The following XRCC4 variants were observed in gnomAD, a reference collection of about 807,000 sequenced individuals.
The protein encoded by XRCC4 is DNA repair protein XRCC4.
XRCC4 carries 28 observed loss-of-function variants against 39.1 expected under a neutral mutation model. The ratio of observed to expected loss-of-function variants is 0.72; its 90% CI spans 0.53 to 0.98. The LOEUF (loss-of-function observed/expected upper bound fraction) is 0.98. Among genes scored for constraint, XRCC4 ranks in the 50% least tolerant of loss-of-function variants. The probability of loss-of-function intolerance (pLI) is 0.00; values close to 1 mark genes in which losing one functional copy is unlikely to be tolerated. For missense variants in XRCC4, 350 were observed against 376.4 expected, an observed-to-expected ratio of 0.93 and a Z score of 0.58; for synonymous variants, 123 against 126.4, an observed-to-expected ratio of 0.97 and a Z score of 0.18.
chr5:83,143,998 A>C (rs1748310121), intron 3 of XRCC4, among the ~76,000 whole-genome samples: 1 of 151,928 alleles, frequency 6.6e-6, no homozygotes, highest in African/African-American at 2.4e-5. Context: ...TTAATGTACC[A>C]GTTCCCTAAT....
At chr5:83,134,530 C>G (rs7732880) in intron 3 of XRCC4, among the ~76,000 whole-genome samples, 3 of 151,934 alleles carry the variant, frequency 2.0e-5, no homozygotes, top group African/African-American at 7.3e-5. Flanking sequence ...AATCAGCTCT[C>G]TGTAAAACGT....
At chr5:83,125,016 C>T (rs569472041) in intron 3 of XRCC4, among the ~76,000 whole-genome samples, 61 of 152,200 alleles carry the variant, frequency 4.0e-4, no homozygotes, top group African/African-American at 1.4e-3. Flanking sequence ...AGAATTTTTG[C>T]CTTTAGCCAT....
intron 7 of XRCC4, among the ~76,000 whole-genome samples, chr5:83,333,307 T>G (rs966913035): frequency 5.3e-5 from 8 of 152,198 alleles, no homozygotes; most frequent in African/African-American, 1.9e-4. Context: ...AATTAAAATG[T>G]CAATACCATA....
intron 6 of XRCC4, among the ~76,000 whole-genome samples, chr5:83,215,594 T>C: frequency 6.6e-6 from 1 of 152,184 alleles, no homozygotes; most frequent in African/African-American, 2.4e-5. Flanking sequence ...ATTATTATTA[T>C]AAAGATAGTC....
chr5:83,137,429 A>G (rs558159670), intron 3 of XRCC4, among the ~76,000 whole-genome samples: 2 of 152,288 alleles, frequency 1.3e-5, no homozygotes, highest in African/African-American at 4.8e-5. Context: ...CTATAGAAAT[A>G]TTGTTCAAAT....
At chr5:83,094,562 T>C (rs13169201) in intron 1 of XRCC4, among the ~76,000 whole-genome samples, 2,273 of 152,012 alleles carry the variant, frequency 0.015, 53 homozygotes, top group African/African-American at 0.051. Context: ...TTAGTCGTTG[T>C]ATTCTTCATC....
At chr5:83,196,977 A>T (rs190594019) in intron 4 of XRCC4, among the ~76,000 whole-genome samples, 138 of 151,884 alleles carry the variant, frequency 9.1e-4, no homozygotes, top group Admixed American at 2.4e-3. Context: ...TGTACATTCA[A>T]TTATATTTAT....
At chr5:83,144,267 C>CTGTGTGTGTGTGTG (rs56769195) in intron 3 of XRCC4, among the ~76,000 whole-genome samples, 1,652 of 140,100 alleles carry the variant, frequency 0.012, 19 homozygotes, top group Admixed American at 0.018. Context: ...TAATATTCCT[C>CTGTGTGTGTGTGTG]TGTGTGTGTG....
At chr5:83,352,388 C>T (rs997731624) in intron 7 of XRCC4, among the ~76,000 whole-genome samples, 1 of 152,186 alleles carries the variant, frequency 6.6e-6, no homozygotes, top group Non-Finnish European at 1.5e-5. Context: ...GATATTAACA[C>T]ACACTCCACA....
the XRCC4 span, among the ~76,000 whole-genome samples, chr5:83,366,284 T>G: frequency 6.6e-6 from 1 of 152,150 alleles, no homozygotes; most frequent in Non-Finnish European, 1.5e-5. Context: ...CCAAATAAAT[T>G]CAGTTCATTG....
chr5:83,307,109 C>A (rs1755518300), intron 7 of XRCC4, among the ~76,000 whole-genome samples: 1 of 152,214 alleles, frequency 6.6e-6, no homozygotes, highest in South Asian at 2.1e-4. Context: ...TACAAGACTT[C>A]TTTCTAAAGT....
chr5:83,271,709 C>T (rs1754149864), intron 7 of XRCC4, among the ~76,000 whole-genome samples: 1 of 152,104 alleles, frequency 6.6e-6, no homozygotes, highest in South Asian at 2.1e-4. Flanking sequence ...TCTCTCTATT[C>T]CCCTCTCCTA....
downstream of XRCC4, among the ~76,000 whole-genome samples, chr5:83,357,800 G>C (rs185159409): frequency 6.6e-5 from 10 of 152,208 alleles, no homozygotes; most frequent in African/African-American, 2.4e-4. Flanking sequence ...CCAAACAAGA[G>C]GTCTCTTGAT....
At chr5:83,218,662 C>T (rs942157088) in intron 6 of XRCC4, among the ~76,000 whole-genome samples, 3 of 152,042 alleles carry the variant, frequency 2.0e-5, no homozygotes, top group African/African-American at 7.2e-5. Flanking sequence ...AAAACATTCT[C>T]AGATCTCAGA....
chr5:83,080,612 A>G (rs916477595), intron 1 of XRCC4, among the ~76,000 whole-genome samples: 1 of 152,080 alleles, frequency 6.6e-6, no homozygotes, highest in South Asian at 2.1e-4. Flanking sequence ...ATTCCATCCT[A>G]TCCCATTCAG....
intron 7 of XRCC4, among the ~76,000 whole-genome samples, chr5:83,313,130 C>CAAAAACCATGGTATAG (rs1755764274): frequency 6.9e-6 from 1 of 145,094 alleles, no homozygotes; most frequent in African/African-American, 2.6e-5. Flanking sequence ...GTCAAAAAAA[C>CAAAAACCATGGTATAG]AAAAACCATG....
At chr5:83,244,384 G>T (rs904201737) in intron 6 of XRCC4, among the ~76,000 whole-genome samples, 4 of 152,120 alleles carry the variant, frequency 2.6e-5, no homozygotes, top group African/African-American at 9.7e-5. Flanking sequence ...ATTAGGGTGG[G>T]TCTAGACCTT....
chr5:83,156,715 G>A (rs1748983216), intron 3 of XRCC4, among the ~76,000 whole-genome samples: 1 of 152,004 alleles, frequency 6.6e-6, no homozygotes, highest in African/African-American at 2.4e-5. Flanking sequence ...GCATAAATTT[G>A]CAAAGCCAAG....
rs145138119 is a variant in XRCC4, at chr5:83,294,697, A to G, written c.893+36020A>G. ...AAATAATAATAAAACTAACATAGTT[A>G]TGGTTAAAAGATCATGTATCAAAAA... On this transcript the variant is annotated intron_variant, in intron 7 of 7. Transcript: ENST00000396027. 1.2e-4 allele frequency among the ~76,000 whole-genome samples: 19 copies of G among 152,210 alleles called. No homozygotes were observed. In the East Asian group the frequency reaches 3.7e-3, roughly 29 times the overall value.
Sources: allele counts gnomAD v4.1 joint callset (sites outside exome capture counted in the v4.1 genomes callset), GRCh38; gene constraint gnomAD v4.1.1; transcripts MANE v1.5; gene names NCBI Gene and HGNC (gene_info 2026-07-23, HGNC 2026-07-21).